MYO9A: variants seen among roughly 807,000 people sequenced by gnomAD.
MYO9A encodes the protein myosin IXA.
MYO9A carries 103 observed loss-of-function variants against 293.3 expected under a neutral mutation model. The observed-to-expected ratio is 0.35, with a 90% CI of 0.30 to 0.41. MYO9A has a LOEUF of 0.41. MYO9A is among the 10% of genes least tolerant of loss of function. The probability of loss-of-function intolerance (pLI) is 1.00; values close to 1 mark genes in which losing one functional copy is unlikely to be tolerated. For synonymous variants in MYO9A, 1,001 were observed against 1,035.7 expected (o/e 0.97, Z 0.64); for missense variants, 2,685 against 3,033.0 (o/e 0.89, Z 2.69).
chr15:72,031,809 C>A (rs147431363), intron 3 of MYO9A, among the ~76,000 whole-genome samples: 11 of 150,834 alleles, frequency 7.3e-5, no homozygotes, highest in African/African-American at 2.2e-4. Context: ...TAATAAGAAA[C>A]AATATTGTAA....
At chr15:71,907,941 T>G (rs529423764) in intron 19 of MYO9A, among the ~76,000 whole-genome samples, 9 of 152,240 alleles carry the variant, frequency 5.9e-5, no homozygotes, top group African/African-American at 2.2e-4. Flanking sequence ...AGAAGCTCTT[T>G]AGTTTAATTA....
rs1226566887 is a variant in MYO9A at position 71,825,996 on chromosome 15, T to TTTTTTTTTTTTTG, written c.*571_*583dup. On this transcript the variant is annotated 3_prime_UTR_variant, in exon 42 of 42. Coordinates refer to ENST00000356056, the MANE Select transcript of MYO9A (RefSeq NM_006901.4). ...TGGAAACAATCACGGTTTTTTTTTG[T>TTTTTTTTTTTTTG]TTTTTTTTTTTTGTTTTTTTTTTTT... 2 of 87,904 alleles carry TTTTTTTTTTTTTG rather than the reference T, an allele frequency of 2.3e-5. No individual in the cohort carries two copies. Among genetic ancestry groups the TTTTTTTTTTTTTG allele is most frequent in the South Asian group, 3.4e-4 (1 of 2,930 alleles). The allele number at this position is 87,904 out of a possible 1,614,324, so 5.4% of individuals were successfully genotyped here. A position where few individuals can be genotyped will look rare whatever the true frequency, so the allele number is the denominator to read the frequency against.
chr15:72,031,287 A>G (rs569792793), intron 3 of MYO9A, among the ~76,000 whole-genome samples: 1 of 152,218 alleles, frequency 6.6e-6, no homozygotes, highest in African/African-American at 2.4e-5. Flanking sequence ...GAAATCCAAG[A>G]TTAGCCTGGC....
At chr15:72,103,029 T>C (rs1444237483) in intron 1 of MYO9A, among the ~76,000 whole-genome samples, 1 of 109,774 alleles carries the variant, frequency 9.1e-6, no homozygotes, top group Non-Finnish European at 1.9e-5. Flanking sequence ...TCACCCAGGC[T>C]GGAGTGCAGT....
intron 15 of MYO9A, among the ~76,000 whole-genome samples, chr15:71,944,875 CTAT>C (rs2058872593): frequency 6.6e-6 from 1 of 152,106 alleles, no homozygotes; most frequent in African/African-American, 2.4e-5. Flanking sequence ...AAAAAATCTG[CTAT>C]TATACTTATT....
intron 11 of MYO9A, among the ~76,000 whole-genome samples, chr15:71,988,691 T>C (rs1045424265): frequency 2.0e-5 from 3 of 152,210 alleles, no homozygotes; most frequent in Non-Finnish European, 4.4e-5. Flanking sequence ...GTAGACCTGC[T>C]AGCTGTTGTA....
intron 18 of MYO9A, among the ~76,000 whole-genome samples, chr15:71,931,911 C>T (rs2058485564): frequency 6.6e-6 from 1 of 152,100 alleles, no homozygotes; most frequent in Admixed American, 6.6e-5. Context: ...AAACTGCTGC[C>T]TTTGTTTTTT....
chr15:71,988,646 C>T (rs1396568006), intron 11 of MYO9A, among the ~76,000 whole-genome samples: 3 of 152,128 alleles, frequency 2.0e-5, no homozygotes, highest in Non-Finnish European at 2.9e-5. Context: ...TGATAGGAGA[C>T]TTGATGATAT....
intron 10 of MYO9A, among the ~76,000 whole-genome samples, chr15:71,992,723 C>T (rs960937302): frequency 6.6e-6 from 1 of 151,874 alleles, no homozygotes; most frequent in Admixed American, 6.6e-5. Flanking sequence ...CCAGAAAACA[C>T]AACTAGATGT....
chr15:71,919,734 C>T (rs762343522), intron 18 of MYO9A, among the ~76,000 whole-genome samples: 5 of 144,240 alleles, frequency 3.5e-5, no homozygotes, highest in East Asian at 4.3e-4. Flanking sequence ...CCCAGCTACT[C>T]GGGAGGCTGA....
chr15:71,851,131 T>A (rs2055629974), intron 37 of MYO9A, 122 bp downstream of exon 37: 9 of 764,032 alleles, frequency 1.2e-5, no homozygotes, highest in African/African-American at 1.8e-5. Flanking sequence ...TTTGAGACAC[T>A]GACTTTATAA....
intron 1 of MYO9A, among the ~76,000 whole-genome samples, chr15:72,102,009 C>A (rs1250951787): frequency 7.0e-4 from 106 of 151,166 alleles, no homozygotes; most frequent in South Asian, 7.0e-3. Context: ...TCATTGAGAA[C>A]GGGCCAGGAT....
intron 15 of MYO9A, among the ~76,000 whole-genome samples, chr15:71,946,729 A>G (rs1452848445): frequency 2.0e-5 from 3 of 152,246 alleles, no homozygotes; most frequent in Non-Finnish European, 4.4e-5. Context: ...TACAGTACTG[A>G]CAGTGTAGCT....
chr15:72,019,417 C>A (rs2149170750), intron 5 of MYO9A, among the ~76,000 whole-genome samples: 1 of 152,274 alleles, frequency 6.6e-6, no homozygotes, highest in African/African-American at 2.4e-5. Context: ...AAATTCCAGA[C>A]TTCTCTAATA....
At chr15:71,923,861 T>A (rs546412610) in intron 18 of MYO9A, among the ~76,000 whole-genome samples, 1 of 152,184 alleles carries the variant, frequency 6.6e-6, no homozygotes, top group Admixed American at 6.5e-5. Flanking sequence ...ATGATCTTTA[T>A]CATTTCTCTT....
At chr15:72,014,788 AGAAG>A (rs778746943) in intron 6 of MYO9A, among the ~76,000 whole-genome samples, 2 of 152,036 alleles carry the variant, frequency 1.3e-5, no homozygotes, top group Non-Finnish European at 2.9e-5. Context: ...AAGAAAAGAA[AGAAG>A]GAAGGAAACA....
chr15:71,844,002 G>T (rs1318146437), intron 39 of MYO9A, among the ~76,000 whole-genome samples: 3 of 152,074 alleles, frequency 2.0e-5, no homozygotes, highest in Non-Finnish European at 4.4e-5. Context: ...AGCCTATTTT[G>T]GTTTTAACTT....
In MYO9A at chr15:72,117,831, G is replaced by C. The variant is rs1055679391; in HGVS notation, c.-223C>G. 2.5e-5 allele frequency: 10 copies of C among 398,518 alleles called. No individual in the cohort carries two copies. The highest frequency in any genetic ancestry group is 4.0e-5 in the Non-Finnish European group (9 of 225,816). The allele number at this position is 398,518 out of a possible 1,614,324, so 24.7% of individuals were successfully genotyped here. On this transcript the variant is annotated 5_prime_UTR_variant, in exon 1 of 42. Coordinates refer to ENST00000356056, the MANE Select transcript of MYO9A (RefSeq NM_006901.4). ...CGGGAGGGTGGGCCCAGCAGCCTCA[G>C]GGTCCGGGCGAGCGGCCGCGGCGCA...
At chr15:71,991,770 T>C (rs2076548078) in intron 10 of MYO9A, among the ~76,000 whole-genome samples, 1 of 152,250 alleles carries the variant, frequency 6.6e-6, no homozygotes, top group South Asian at 2.1e-4. Context: ...TTTTTTATTT[T>C]TGAGACGGAG....
Sources: allele counts gnomAD v4.1 joint callset (sites outside exome capture counted in the v4.1 genomes callset), GRCh38; gene constraint gnomAD v4.1.1; transcripts MANE v1.5; gene names NCBI Gene and HGNC (gene_info 2026-07-23, HGNC 2026-07-21).